Variants in RERE observed in about 807,000 individuals in gnomAD.
RERE encodes the protein arginine-glutamic acid dipeptide repeats protein.
Under a neutral mutation model 146.1 loss-of-function variants are expected in RERE, and 40 were observed. That is an observed-to-expected ratio of 0.27 (90% confidence interval 0.21 to 0.36). The LOEUF (loss-of-function observed/expected upper bound fraction) is 0.36, where lower values mean the gene tolerates loss of function less well. RERE is among the 10% of genes least tolerant of loss of function. The pLI, the probability that RERE is intolerant of heterozygous loss-of-function variation, is 1.00. For missense variants in RERE, 1,933 were observed against 2,138.7 expected (o/e 0.90, Z 1.90); for synonymous variants, 1,003 against 866.0 (o/e 1.16, Z -2.78).
At chr1:8,470,813 CTTTTTTT>C (rs71580028) in intron 10 of RERE, among the ~76,000 whole-genome samples, 5 of 74,566 alleles carry the variant, frequency 6.7e-5, no homozygotes, top group Admixed American at 2.3e-4. Context: ...AAAGAAATAC[CTTTTTTT>C]TTTTTTTTTT....
chr1:8,675,495 C>CAAAAAAAAA (rs56912804), intron 1 of RERE, among the ~76,000 whole-genome samples: 13 of 90,196 alleles, frequency 1.4e-4, no homozygotes, highest in African/African-American at 2.3e-4. Context: ...CCCATCTCTA[C>CAAAAAAAAA]AAAAAAAAAA....
intron 4 of RERE, among the ~76,000 whole-genome samples, chr1:8,591,854 C>T (rs1281751884): frequency 6.6e-6 from 1 of 151,980 alleles, no homozygotes; most frequent in Non-Finnish European, 1.5e-5. Flanking sequence ...GCCCTTCCCA[C>T]AGAAATCTGC....
chr1:8,592,191 T>A (rs1430215461), intron 4 of RERE, among the ~76,000 whole-genome samples: 2 of 152,180 alleles, frequency 1.3e-5, no homozygotes, highest in African/African-American at 2.4e-5. Flanking sequence ...AAACCCTCCC[T>A]ACTACACTTC....
chr1:8,467,895 C>T (rs1428865421), intron 10 of RERE, among the ~76,000 whole-genome samples: 8 of 152,212 alleles, frequency 5.3e-5, no homozygotes, highest in Non-Finnish European at 1.2e-4. Context: ...CCACCCGCCT[C>T]GGCCTCCCAA....
At chr1:8,380,917 CT>C in intron 12 of RERE, 1 of 456,720 alleles carries the variant, frequency 2.2e-6, no homozygotes, top group South Asian at 1.5e-5. Context: ...GCTTGGGAGC[CT>C]CCATCTCCTA....
At chr1:8,438,531 T>C (rs1489677083) in intron 11 of RERE, among the ~76,000 whole-genome samples, 1 of 152,230 alleles carries the variant, frequency 6.6e-6, no homozygotes, top group Non-Finnish European at 1.5e-5. Flanking sequence ...ATTTTTCAGC[T>C]AATTTTGAAA....
At position 8,364,885 on chromosome 1, in the gene RERE, C is replaced by A. The variant is rs1641738663; in HGVS notation, c.1448-47G>T. ...TGGGGGTGGGGGAGACACCATCATGCTCAGCCAAGGCTGGGCCGGTGGGGT... is the reference window on the plus strand; with the variant it reads ...TGGGGGTGGGGGAGACACCATCATGATCAGCCAAGGCTGGGCCGGTGGGGT... On this transcript the variant is annotated intron_variant, in intron 13 of 22. Transcript: ENST00000400908. The surrounding 1 kb of genome is among the most constrained non-coding windows in gnomAD (Gnocchi z 5.1). 3 of 1,164,924 alleles carry A rather than the reference C, an allele frequency of 2.6e-6. No homozygotes were observed. The highest frequency in any genetic ancestry group is 2.1e-4 in the Middle Eastern group (1 of 4,816). The allele number at this position is 1,164,924 out of a possible 1,614,324, so 72.2% of individuals were successfully genotyped here.
At chr1:8,813,222 G>GT (rs1458140327) in intron 1 of RERE, among the ~76,000 whole-genome samples, 9 of 152,328 alleles carry the variant, frequency 5.9e-5, no homozygotes, top group African/African-American at 2.2e-4. Context: ...CAGGATGTGT[G>GT]TATGTGTGTG....
At chr1:8,814,279 A>C (rs1641868591) in intron 1 of RERE, among the ~76,000 whole-genome samples, 1 of 152,212 alleles carries the variant, frequency 6.6e-6, no homozygotes, top group South Asian at 2.1e-4. Context: ...AAACCTCTCT[A>C]ATAGTTCATT....
At chr1:8,600,750 CTTTTTTTTTTTTT>C (rs59816060) in intron 4 of RERE, among the ~76,000 whole-genome samples, 1 of 113,446 alleles carries the variant, frequency 8.8e-6, no homozygotes, top group Non-Finnish European at 1.8e-5. Flanking sequence ...CAAGCCAATA[CTTTTTTTTTTTTT>C]TTTTTTTTTG....
intron 1 of RERE, among the ~76,000 whole-genome samples, chr1:8,668,924 C>CTGTG (rs58718828): frequency 0.029 from 2,410 of 83,488 alleles, 172 homozygotes; most frequent in African/African-American, 0.051. Context: ...GCACTAAACT[C>CTGTG]TGTGTGTGTG....
intron 4 of RERE, among the ~76,000 whole-genome samples, chr1:8,573,088 C>T (rs1476201607): frequency 6.6e-6 from 1 of 152,200 alleles, no homozygotes; most frequent in Non-Finnish European, 1.5e-5. Context: ...TTCATGAAAA[C>T]TCCCAAAGGT....
At chr1:8,556,675 G>C (rs187919087) in intron 5 of RERE, 104 bp from the exon 6 acceptor site, 2 of 709,956 alleles carry the variant, frequency 2.8e-6, no homozygotes, top group Non-Finnish European at 5.0e-6. Context: ...CTAAATAACC[G>C]GGCCTGGTTA....
intron 12 of RERE, among the ~76,000 whole-genome samples, chr1:8,382,554 C>A (rs1557601070): frequency 6.6e-6 from 1 of 152,192 alleles, no homozygotes. Context: ...AATGAAGTGA[C>A]TATTAATATT....
chr1:8,412,321 C>A (rs564577501), intron 12 of RERE, among the ~76,000 whole-genome samples: 1 of 152,122 alleles, frequency 6.6e-6, no homozygotes, highest in Non-Finnish European at 1.5e-5. Flanking sequence ...AGCAAAGACA[C>A]GGGATAAAAA....
At chr1:8,718,553 A>G (rs1177519290) in intron 1 of RERE, among the ~76,000 whole-genome samples, 2 of 152,236 alleles carry the variant, frequency 1.3e-5, no homozygotes, top group African/African-American at 4.8e-5. Context: ...GTTTAATTTC[A>G]TCAATAGTGA....
Position 8,809,157 on chromosome 1 carries a change from A to AAAAAAAAAAAAAAAAAAAAAAT in RERE, c.-145+8002_-145+8003insATTTTTTTTTTTTTTTTTTTTT, listed in dbSNP as rs985140466. On this transcript the variant is annotated intron_variant, in intron 1 of 22. Coordinates refer to ENST00000400908, the MANE Select transcript of RERE (RefSeq NM_001042681.2). ...TGTCTTAAAAAAAAAAAAAAAAAAAAAAAGTACTGAGGGAGAGGTTAATGG... is the reference window on the plus strand; with the variant it reads ...TGTCTTAAAAAAAAAAAAAAAAAAAAAAAAAAAAAAAAAAAAAAAAATAAAGTACTGAGGGAGAGGTTAATGG... 2.8e-3 allele frequency among the ~76,000 whole-genome samples: 412 copies of AAAAAAAAAAAAAAAAAAAAAAT among 146,088 alleles called. 11 individuals are homozygous for AAAAAAAAAAAAAAAAAAAAAAT. The highest frequency in any genetic ancestry group is 0.011 in the African/African-American group (403 of 36,324).
intron 1 of RERE, among the ~76,000 whole-genome samples, chr1:8,706,816 C>A (rs924899759): frequency 1.3e-5 from 2 of 152,064 alleles, no homozygotes; most frequent in African/African-American, 4.8e-5. Context: ...TTTGTTTTAA[C>A]CCTCATTAGT....
intron 2 of RERE, among the ~76,000 whole-genome samples, chr1:8,638,782 A>ATTT (rs1557450012): frequency 1.3e-4 from 18 of 134,348 alleles, no homozygotes; most frequent in African/African-American, 5.0e-4. Flanking sequence ...GACGAAAAAA[A>ATTT]ATTTTTTTTT....
Sources: gnomAD v4.1 joint callset for allele counts (sites outside exome capture counted in the v4.1 genomes callset) on GRCh38, gnomAD v4.1.1 for gene constraint, Gnocchi (gnomAD v3.1) non-coding constraint, MANE v1.5 for transcripts, NCBI Gene and HGNC (gene_info 2026-07-23, HGNC 2026-07-21) for gene names.